The following KCNN2 variants were observed in gnomAD, a reference collection of about 807,000 sequenced individuals.
KCNN2 encodes potassium calcium-activated channel subfamily N member 2.
KCNN2 carries 24 observed loss-of-function variants against 55.5 expected under a neutral mutation model. That is an observed-to-expected ratio of 0.43 (90% CI 0.31 to 0.61). The LOEUF (loss-of-function observed/expected upper bound fraction) is 0.61, where lower values mean the gene tolerates loss of function less well. Among genes scored for constraint, KCNN2 ranks in the 20% least tolerant of loss-of-function variants. The probability of loss-of-function intolerance (pLI) is 0.08; values close to 1 mark genes in which losing one functional copy is unlikely to be tolerated. For missense variants in KCNN2, 754 were observed against 853.6 expected (o/e 0.88, Z 1.45); for synonymous variants, 431 against 336.1 (o/e 1.28, Z -3.09).
At chr5:114,340,751 T>A (rs1008033086) in intron 2 of KCNN2, among the ~76,000 whole-genome samples, 3 of 152,230 alleles carry the variant, frequency 2.0e-5, no homozygotes, top group South Asian at 2.1e-4. Context: ...ACAGTATTAA[T>A]CACTATATCA....
chr5:114,410,449 A>G (rs897689385), intron 3 of KCNN2, among the ~76,000 whole-genome samples: 1 of 152,148 alleles, frequency 6.6e-6, no homozygotes, highest in Non-Finnish European at 1.5e-5. Flanking sequence ...CATTTAGTAT[A>G]TGTATATGCA....
intron 1 of KCNN2, among the ~76,000 whole-genome samples, chr5:114,164,000 T>C (rs1453119561): frequency 6.6e-6 from 1 of 152,166 alleles, no homozygotes; most frequent in Non-Finnish European, 1.5e-5. Context: ...CATTATTTAA[T>C]GGGGGTGGGT....
chr5:114,242,333 A>G (rs1754662965), intron 2 of KCNN2, among the ~76,000 whole-genome samples: 1 of 152,124 alleles, frequency 6.6e-6, no homozygotes, highest in Non-Finnish European at 1.5e-5. Context: ...TAAAAGGTAA[A>G]ATAATGAACC....
At chr5:114,271,005 G>C (rs181937654) in intron 2 of KCNN2, among the ~76,000 whole-genome samples, 168 of 152,270 alleles carry the variant, frequency 1.1e-3, no homozygotes, top group African/African-American at 4.0e-3. Flanking sequence ...GTGAGCAGCA[G>C]CAAGATTTAT....
chr5:114,373,613 C>G (rs1757829515), intron 2 of KCNN2, among the ~76,000 whole-genome samples: 1 of 87,916 alleles, frequency 1.1e-5, no homozygotes, highest in African/African-American at 3.6e-5. Flanking sequence ...TATAGAGTAC[C>G]TCTCTCATGG....
At chr5:114,470,021 TTAC>T (rs1290213424) in intron 4 of KCNN2, among the ~76,000 whole-genome samples, 1 of 152,154 alleles carries the variant, frequency 6.6e-6, no homozygotes, top group Non-Finnish European at 1.5e-5. Flanking sequence ...GTTTTGATAA[TTAC>T]TAAATGATTG....
intron 1 of KCNN2, among the ~76,000 whole-genome samples, chr5:114,191,534 A>C (rs193248874): frequency 6.6e-6 from 1 of 152,280 alleles, no homozygotes; most frequent in Admixed American, 6.5e-5. Context: ...TTAAGTAATA[A>C]AAAAATTATA....
chr5:114,364,054 G>C, intron 2 of KCNN2, 53 bp downstream of exon 2: 1 of 1,352,154 alleles, frequency 7.4e-7, no homozygotes, highest in Non-Finnish European at 1.1e-6. Flanking sequence ...AGTCAGCCTA[G>C]AGAAACGCAA....
chr5:114,128,356 C>T (rs1348741686), intron 1 of KCNN2, among the ~76,000 whole-genome samples: 2 of 152,078 alleles, frequency 1.3e-5, no homozygotes, highest in African/African-American at 4.8e-5. Flanking sequence ...GAATGAGTGC[C>T]CAGTGGAAGG....
At chr5:114,060,880 A>G (rs927996094) in intron 1 of KCNN2, among the ~76,000 whole-genome samples, 2 of 152,242 alleles carry the variant, frequency 1.3e-5, no homozygotes, top group Non-Finnish European at 2.9e-5. Flanking sequence ...ACCAACTTCA[A>G]GTAATGCTTC....
At chr5:114,068,573 T>C (rs979547428) in intron 1 of KCNN2, among the ~76,000 whole-genome samples, 1 of 152,188 alleles carries the variant, frequency 6.6e-6, no homozygotes, top group Non-Finnish European at 1.5e-5. Context: ...TTCAGAGTCC[T>C]CACACATAGC....
chr5:114,317,264 T>C (rs1440938689), intron 2 of KCNN2, among the ~76,000 whole-genome samples: 1 of 152,040 alleles, frequency 6.6e-6, no homozygotes, highest in East Asian at 1.9e-4. Flanking sequence ...AGCTTTGTAA[T>C]GTCTCAAGCC....
intron 2 of KCNN2, among the ~76,000 whole-genome samples, chr5:114,244,556 C>A (rs1754713931): frequency 6.6e-6 from 1 of 150,980 alleles, no homozygotes; most frequent in South Asian, 2.1e-4. Flanking sequence ...GAGATCGCGC[C>A]ATTGCACTCC....
intron 1 of KCNN2, among the ~76,000 whole-genome samples, chr5:114,076,121 A>T (rs1018814186): frequency 2.0e-5 from 3 of 152,212 alleles, no homozygotes; most frequent in African/African-American, 7.2e-5. Context: ...ATTCCTCCTC[A>T]ATATTTCTTG....
chr5:114,445,192 T>G (rs2150098007), intron 3 of KCNN2, among the ~76,000 whole-genome samples: 1 of 152,338 alleles, frequency 6.6e-6, no homozygotes, highest in Non-Finnish European at 1.5e-5. Context: ...GCTGGCCTTC[T>G]TTAGCTGTGC....
At chr5:114,292,317 G>A (rs1371389805) in intron 2 of KCNN2, among the ~76,000 whole-genome samples, 1 of 152,124 alleles carries the variant, frequency 6.6e-6, no homozygotes, top group Non-Finnish European at 1.5e-5. Flanking sequence ...GGGTTTTTAT[G>A]GGTTTAGGTC....
At chr5:114,272,423 ATG>A (rs57220712) in intron 2 of KCNN2, among the ~76,000 whole-genome samples, 5 of 9,580 alleles carry the variant, frequency 5.2e-4, no homozygotes, top group East Asian at 5.2e-3. Context: ...CTACACACAT[ATG>A]TACGTACATA....
chr5:114,237,619 C>G (rs1413111477), intron 2 of KCNN2, among the ~76,000 whole-genome samples: 1 of 151,886 alleles, frequency 6.6e-6, no homozygotes, highest in African/African-American at 2.4e-5. Context: ...TTTATTTTAC[C>G]TGATGAAAAT....
intron 1 of KCNN2, 73 bp downstream of exon 1, chr5:114,363,334 C>G: frequency 6.9e-7 from 1 of 1,451,714 alleles, no homozygotes; most frequent in Non-Finnish European, 9.1e-7. Flanking sequence ...TGGCGGGGAC[C>G]CTTTGCGTGC....
Sources: gnomAD v4.1 joint callset for allele counts (sites outside exome capture counted in the v4.1 genomes callset) on GRCh38, gnomAD v4.1.1 for gene constraint, MANE v1.5 for transcripts, NCBI Gene and HGNC (gene_info 2026-07-23, HGNC 2026-07-21) for gene names.